The following ANK3 variants were observed in gnomAD, a reference collection of about 807,000 sequenced individuals.
ANK3 encodes ankyrin-3.
ANK3 carries 57 observed loss-of-function variants against 370.9 expected under a neutral mutation model. The observed-to-expected ratio is 0.15, with a 90% confidence interval of 0.12 to 0.19. The LOEUF (loss-of-function observed/expected upper bound fraction) is 0.19, where lower values mean the gene tolerates loss of function less well. Among genes scored for constraint, ANK3 ranks in the 10% least tolerant of loss-of-function variants. The pLI, the probability that ANK3 is intolerant of heterozygous loss-of-function variation, is 1.00. For synonymous variants in ANK3, 1,929 were observed against 1,946.3 expected, an observed-to-expected ratio of 0.99 and a Z score of 0.23; for missense variants, 4,439 against 5,302.1, an observed-to-expected ratio of 0.84 and a Z score of 5.06.
intron 2 of ANK3, among the ~76,000 whole-genome samples, chr10:60,560,220 T>A (rs189596565): frequency 2.6e-5 from 4 of 152,338 alleles, no homozygotes; most frequent in African/African-American, 9.6e-5. Context: ...AAATTTGTCA[T>A]TTAAGCAATT....
intron 1 of ANK3, among the ~76,000 whole-genome samples, chr10:60,619,832 T>G (rs2078312559): frequency 6.6e-6 from 1 of 152,178 alleles, no homozygotes. Flanking sequence ...TCCAGAACCA[T>G]TAGTTACCAA....
intron 2 of ANK3, among the ~76,000 whole-genome samples, chr10:60,555,042 G>C (rs1021539526): frequency 6.6e-6 from 1 of 152,036 alleles, no homozygotes; most frequent in Non-Finnish European, 1.5e-5. Context: ...TCTTACAGAA[G>C]CAGGCTGGGA....
chr10:60,583,594 T>G (rs1596195), intron 2 of ANK3, among the ~76,000 whole-genome samples: 1 of 146,638 alleles, frequency 6.8e-6, no homozygotes, highest in African/African-American at 2.5e-5. Flanking sequence ...GTTCTGTCAC[T>G]CAGGCTGGAG....
chr10:60,457,323 G>A (rs2064772786), intron 2 of ANK3, among the ~76,000 whole-genome samples: 2 of 152,128 alleles, frequency 1.3e-5, no homozygotes, highest in Admixed American at 6.6e-5. Flanking sequence ...GTAAGTAAAA[G>A]TTGCCCTCAT....
At chr10:60,416,947 A>C (rs1415945428) in intron 2 of ANK3, among the ~76,000 whole-genome samples, 1 of 152,214 alleles carries the variant, frequency 6.6e-6, no homozygotes, top group Non-Finnish European at 1.5e-5. Flanking sequence ...ATGGTTTTTG[A>C]GAGAAAATTG....
At chr10:60,385,853 T>C (rs1469142743) in intron 1 of ANK3, among the ~76,000 whole-genome samples, 1 of 152,204 alleles carries the variant, frequency 6.6e-6, no homozygotes, top group Admixed American at 6.5e-5. Flanking sequence ...CATGTATTCA[T>C]ATACTAACAA....
chr10:60,423,015 G>C (rs1020761597), intron 2 of ANK3, among the ~76,000 whole-genome samples: 2 of 151,956 alleles, frequency 1.3e-5, no homozygotes, highest in African/African-American at 4.8e-5. Context: ...GTACTGAAGG[G>C]CAAAGTGCTG....
chr10:60,033,210 G>A (rs943495041), intron 43 of ANK3, among the ~76,000 whole-genome samples: 4 of 151,708 alleles, frequency 2.6e-5, no homozygotes, highest in African/African-American at 4.8e-5. Context: ...TAAAATATAC[G>A]AAAACAGGGC....
intron 4 of ANK3, among the ~76,000 whole-genome samples, chr10:60,274,953 C>A (rs1308430161): frequency 6.6e-6 from 1 of 152,172 alleles, no homozygotes; most frequent in Non-Finnish European, 1.5e-5. Context: ...CACTCCCTAG[C>A]TCAAAGAGGT....
intron 30 of ANK3, 122 bp downstream of exon 30, chr10:60,086,554 CT>C (rs2086725005): frequency 2.4e-6 from 2 of 823,884 alleles, no homozygotes; most frequent in African/African-American, 3.5e-5. Flanking sequence ...ATGTTTTGTT[CT>C]TTTATTTTCT....
intron 2 of ANK3, among the ~76,000 whole-genome samples, chr10:60,514,425 G>A (rs1429524741): frequency 6.6e-6 from 1 of 151,988 alleles, no homozygotes; most frequent in Non-Finnish European, 1.5e-5. Context: ...AGGTGAACTG[G>A]GCTTAGAGTT....
chr10:60,184,175 TA>T (rs1483595184), intron 17 of ANK3, among the ~76,000 whole-genome samples: 2 of 152,274 alleles, frequency 1.3e-5, no homozygotes, highest in Non-Finnish European at 2.9e-5. Context: ...TTTTAATAGT[TA>T]TTTTTTAGCA....
chr10:60,071,477 G>A lies in ANK3; in HGVS notation c.9404C>T (p.Thr3135Ile). 1 of 1,613,944 alleles carries A rather than the reference G, an allele frequency of 6.2e-7. No individual in the cohort carries two copies. Among genetic ancestry groups the A allele is most frequent in the Non-Finnish European group, 8.5e-7 (1 of 1,179,944 alleles). Residue 3135 changes from threonine (T) to isoleucine (I), a missense_variant, in exon 37 of 44, where the codon ACT becomes ATT. By Grantham distance (89) the Thr-to-Ile change is moderately conservative (BLOSUM62 -1). Coordinates refer to ENST00000280772, the MANE Select transcript of ANK3 (RefSeq NM_020987.5). ...AGAAGGAGGTTGCTTTTGCTGTCTA[G>A]TTGTATAAAAGGTCCCCCTGGTTTC... ...VQETRGTFYT[T>I]RQQKQPPSPQ...
At chr10:60,047,068 A>G (rs1395763716) in intron 42 of ANK3, among the ~76,000 whole-genome samples, 1 of 152,104 alleles carries the variant, frequency 6.6e-6, no homozygotes, top group Admixed American at 6.5e-5. Flanking sequence ...CGGGCTCCCA[A>G]AGTGCTGGGA....
rs1348947924 is a variant in ANK3, at chr10:60,082,170, C to G, written c.4330G>C (p.Glu1444Gln). The G allele has an allele frequency of 5.6e-6, 9 of 1,610,332 alleles. No individual in the cohort carries two copies. Among genetic ancestry groups the G allele is most frequent in the Non-Finnish European group, 6.8e-6 (8 of 1,178,068 alleles). ...ITLPAHKKET[E>Q]SDQDDEIEKT... ...ATTACCTCATCATCTTGATCTGACT[C>G]TGTCTCCTTTTGGTTCCAAGATGCA... Residue 1444 changes from glutamate (E) to glutamine (Q), a missense_variant, in exon 35 of 44, where the codon GAG becomes CAG. Transcript: ENST00000280772.
chr10:60,588,704 C>T (rs1015608046), intron 2 of ANK3, among the ~76,000 whole-genome samples: 1 of 151,672 alleles, frequency 6.6e-6, no homozygotes, highest in African/African-American at 2.4e-5. Flanking sequence ...CCCAGGAGTT[C>T]GAGACCAGCC....
chr10:60,191,560 T>A (rs2096482527), intron 16 of ANK3, among the ~76,000 whole-genome samples: 1 of 152,114 alleles, frequency 6.6e-6, no homozygotes, highest in Non-Finnish European at 1.5e-5. Context: ...ATGGCTACTA[T>A]GAGAAGTCAA....
At chr10:60,682,072 AG>A (rs2079203208) in intron 1 of ANK3, among the ~76,000 whole-genome samples, 1 of 152,218 alleles carries the variant, frequency 6.6e-6, no homozygotes. Flanking sequence ...GCTTGAGCCC[AG>A]AAGTTCAAGA....
intron 2 of ANK3, among the ~76,000 whole-genome samples, chr10:60,435,895 C>T (rs7067875): frequency 6.6e-6 from 1 of 151,956 alleles, no homozygotes; most frequent in Admixed American, 6.6e-5. Flanking sequence ...GTCAGGAGAT[C>T]GAGACCGCGG....
Sources: allele counts gnomAD v4.1 joint callset (sites outside exome capture counted in the v4.1 genomes callset), GRCh38; gene constraint gnomAD v4.1.1; transcripts MANE v1.5; gene names NCBI Gene and HGNC (gene_info 2026-07-23, HGNC 2026-07-21).